Variants in SGCZ observed in about 807,000 individuals in gnomAD.
SGCZ encodes the protein zeta-sarcoglycan.
A neutral mutation model predicts 41.3 loss-of-function variants in SGCZ; 40 were observed. The observed-to-expected ratio is 0.97, with a 90% CI of 0.75 to 1.26. SGCZ has a LOEUF of 1.26. Ranked by LOEUF, SGCZ falls within the 50% of genes most tolerant of loss-of-function variation. SGCZ has a pLI of 0.00. For synonymous variants in SGCZ, 206 were observed against 137.5 expected, an observed-to-expected ratio of 1.50 and a Z score of -3.49; for missense variants, 552 against 369.8, an observed-to-expected ratio of 1.49 and a Z score of -4.04.
chr8:14,672,366 G>C (rs576158229), intron 1 of SGCZ, among the ~76,000 whole-genome samples: 6 of 152,104 alleles, frequency 3.9e-5, no homozygotes, highest in African/African-American at 1.4e-4. Context: ...TCAGATGTGC[G>C]ATTTTAAGAA....
At chr8:14,481,610 G>C (rs1192848201) in intron 2 of SGCZ, among the ~76,000 whole-genome samples, 1 of 152,094 alleles carries the variant, frequency 6.6e-6, no homozygotes, top group Non-Finnish European at 1.5e-5. Context: ...AAGACACAAG[G>C]ATTTTGTAAC....
chr8:15,207,785 G>A (rs1242236951), intron 1 of SGCZ, among the ~76,000 whole-genome samples: 1 of 152,234 alleles, frequency 6.6e-6, no homozygotes, highest in Non-Finnish European at 1.5e-5. Context: ...TTTTATATAA[G>A]GAGGGAAAGA....
intron 1 of SGCZ, among the ~76,000 whole-genome samples, chr8:14,926,683 C>T (rs1457288855): frequency 5.3e-5 from 8 of 151,966 alleles, no homozygotes; most frequent in African/African-American, 1.5e-4. Context: ...GCTCTGTTGC[C>T]AGACTGGAGT....
chr8:14,824,377 T>C (rs867913966), intron 1 of SGCZ, among the ~76,000 whole-genome samples: 5 of 152,176 alleles, frequency 3.3e-5, no homozygotes, highest in Non-Finnish European at 7.4e-5. Context: ...TGTACAATTA[T>C]AGTGTGCCAC....
chr8:14,639,189 G>C (rs1005483925), intron 1 of SGCZ, among the ~76,000 whole-genome samples: 13 of 151,486 alleles, frequency 8.6e-5, no homozygotes, highest in Admixed American at 6.0e-4. Context: ...ACTTTAATGA[G>C]AGACTGGAAA....
chr8:15,012,900 T>C (rs1379250031), intron 1 of SGCZ, among the ~76,000 whole-genome samples: 1 of 151,312 alleles, frequency 6.6e-6, no homozygotes, highest in East Asian at 1.9e-4. Context: ...CAGAAGATGG[T>C]ATTTGGTTTT....
At chr8:14,866,740 G>A (rs544471696) in intron 1 of SGCZ, among the ~76,000 whole-genome samples, 14 of 152,086 alleles carry the variant, frequency 9.2e-5, no homozygotes, top group Admixed American at 7.9e-4. Flanking sequence ...AGACCCAGAA[G>A]ACTTGATCTC....
chr8:15,005,627 C>G (rs1001709649), intron 1 of SGCZ, among the ~76,000 whole-genome samples: 2 of 133,290 alleles, frequency 1.5e-5, no homozygotes, highest in Non-Finnish European at 1.6e-5. Flanking sequence ...CCACTGCACC[C>G]GGCAATCCCC....
chr8:14,786,452 T>C (rs891747191), intron 1 of SGCZ, among the ~76,000 whole-genome samples: 3 of 152,126 alleles, frequency 2.0e-5, no homozygotes, highest in Non-Finnish European at 4.4e-5. Flanking sequence ...AAAATGACCA[T>C]ATTTTATCAT....
chr8:15,133,848 A>G (rs1385002348), intron 1 of SGCZ, among the ~76,000 whole-genome samples: 2 of 152,192 alleles, frequency 1.3e-5, no homozygotes, highest in African/African-American at 4.8e-5. Flanking sequence ...TGAAAAAAAC[A>G]AGTGTTAAAA....
intron 4 of SGCZ, among the ~76,000 whole-genome samples, chr8:14,185,432 C>CA (rs1804872727): frequency 1.3e-5 from 2 of 151,966 alleles, no homozygotes; most frequent in East Asian, 1.9e-4. Context: ...AATAAAAAAA[C>CA]AAAAAATCTG....
chr8:14,126,277 T>A (rs7005452), intron 5 of SGCZ, among the ~76,000 whole-genome samples: 16,253 of 152,046 alleles, frequency 0.11, 973 homozygotes, highest in Middle Eastern at 0.19. Flanking sequence ...CTTAAACAAA[T>A]TTATAAGAGA....
At chr8:14,406,665 C>T (rs148836281) in intron 2 of SGCZ, among the ~76,000 whole-genome samples, 486 of 152,210 alleles carry the variant, frequency 3.2e-3, no homozygotes, top group Admixed American at 6.9e-3. Context: ...TAGACACATG[C>T]CATGTCAGTT....
intron 2 of SGCZ, among the ~76,000 whole-genome samples, chr8:14,391,418 C>T (rs1328720509): frequency 6.6e-6 from 1 of 151,916 alleles, no homozygotes; most frequent in East Asian, 1.9e-4. Context: ...ATGTTGTATA[C>T]CTATATACTA....
intron 1 of SGCZ, among the ~76,000 whole-genome samples, chr8:14,824,550 G>C (rs1198736822): frequency 6.6e-6 from 1 of 151,802 alleles, no homozygotes; most frequent in African/African-American, 2.4e-5. Context: ...TCATGCCCTG[G>C]CTTCCATAAT....
At chr8:14,372,690 G>A (rs901553005) in intron 2 of SGCZ, among the ~76,000 whole-genome samples, 1 of 152,032 alleles carries the variant, frequency 6.6e-6, no homozygotes. Flanking sequence ...GGAGATATCT[G>A]GAGAAAACAC....
intron 1 of SGCZ, among the ~76,000 whole-genome samples, chr8:14,865,157 C>T (rs1803883216): frequency 6.6e-6 from 1 of 152,036 alleles, no homozygotes. Flanking sequence ...CTTAGCATCA[C>T]ATTCAAGGTC....
chr8:14,325,747 C>T (rs12550269), intron 2 of SGCZ, among the ~76,000 whole-genome samples: 14 of 69,440 alleles, frequency 2.0e-4, no homozygotes, highest in East Asian at 1.4e-3. Flanking sequence ...CACACACACA[C>T]ATATATATAT....
At chr8:14,215,089 C>G (rs764151503) in intron 4 of SGCZ, among the ~76,000 whole-genome samples, 2 of 152,042 alleles carry the variant, frequency 1.3e-5, no homozygotes, top group Non-Finnish European at 2.9e-5. Flanking sequence ...GACCATAGAA[C>G]CTTCATCAAA....
Sources: gnomAD v4.1 joint callset for allele counts (sites outside exome capture counted in the v4.1 genomes callset) on GRCh38, gnomAD v4.1.1 for gene constraint, MANE v1.5 for transcripts, NCBI Gene and HGNC (gene_info 2026-07-23, HGNC 2026-07-21) for gene names.